Variants in INPP4A observed in about 807,000 individuals in gnomAD.
The protein encoded by INPP4A is inositol polyphosphate-4-phosphatase, type I, 107kD.
Under a neutral mutation model 119.8 loss-of-function variants are expected in INPP4A, and 33 were observed. The observed-to-expected ratio is 0.28, with a 90% CI of 0.21 to 0.37. The LOEUF is 0.37. Ranked by LOEUF, INPP4A falls within the 10% of genes least tolerant of loss-of-function variation. The pLI is 1.00. For missense variants in INPP4A, 956 were observed against 1,289.9 expected (o/e 0.74, Z 3.97); for synonymous variants, 496 against 500.7 (o/e 0.99, Z 0.12).
At chr2:98,465,948 T>G (rs1019055128) in intron 1 of INPP4A, among the ~76,000 whole-genome samples, 1 of 152,150 alleles carries the variant, frequency 6.6e-6, no homozygotes, top group Non-Finnish European at 1.5e-5. Context: ...CCCACCTTGC[T>G]CAGTCTCTGC....
At chr2:98,581,711 C>G (rs1175792866) in intron 24 of INPP4A, 2 of 1,613,206 alleles carry the variant, frequency 1.2e-6, no homozygotes, top group Non-Finnish European at 1.7e-6. Context: ...TTGTGTGGCT[C>G]TTTCTGAGCA....
intron 14 of INPP4A, among the ~76,000 whole-genome samples, 198 bp downstream of exon 14, chr2:98,553,167 G>C (rs1403434929): frequency 6.6e-5 from 10 of 152,220 alleles, no homozygotes; most frequent in Admixed American, 5.2e-4. Context: ...CAGACCAAGG[G>C]CAGAGCCCAG....
At chr2:98,543,186 G>T (rs1691830319) in intron 10 of INPP4A, among the ~76,000 whole-genome samples, 1 of 152,190 alleles carries the variant, frequency 6.6e-6, no homozygotes, top group South Asian at 2.1e-4. Context: ...AGAAGAATCA[G>T]AGGTGCCAGC....
At chr2:98,540,928 C>T (rs1340530060) in intron 10 of INPP4A, among the ~76,000 whole-genome samples, 1 of 152,144 alleles carries the variant, frequency 6.6e-6, no homozygotes, top group African/African-American at 2.4e-5. Context: ...ATTATAAACA[C>T]AATATAACAG....
At chr2:98,581,582 A>AAC (rs1329426163) in intron 24 of INPP4A, 1 of 1,540,594 alleles carries the variant, frequency 6.5e-7, no homozygotes, top group African/African-American at 1.4e-5. Context: ...ACAGCATTGG[A>AAC]ACACGGGAGG....
intron 24 of INPP4A, among the ~76,000 whole-genome samples, chr2:98,579,493 C>T (rs914015514): frequency 1.3e-5 from 2 of 152,260 alleles, no homozygotes; most frequent in Admixed American, 1.3e-4. Context: ...AAAGTATACA[C>T]CTTTGTAAGG....
chr2:98,528,996 G>A (rs1460513471), intron 4 of INPP4A, among the ~76,000 whole-genome samples: 1 of 151,222 alleles, frequency 6.6e-6, no homozygotes, highest in Non-Finnish European at 1.5e-5. Context: ...GAGAATTGGC[G>A]TGAACCCGGG....
intron 1 of INPP4A, among the ~76,000 whole-genome samples, chr2:98,506,822 A>T (rs1233047440): frequency 1.3e-5 from 2 of 152,178 alleles, no homozygotes; most frequent in Non-Finnish European, 2.9e-5. Context: ...GTGGCCCACA[A>T]TGCGGGCACT....
At position 98,566,960 on chromosome 2, in the gene INPP4A, C is replaced by G. The variant is rs993340656; in HGVS notation, c.2420+791C>G. On this transcript the variant is annotated intron_variant, in intron 21 of 24. Coordinates refer to ENST00000409851, the MANE Select transcript of INPP4A (RefSeq NM_001134225.2). This position sits in a 1 kb window ranked among gnomAD's most constrained non-coding sequence, Gnocchi z 4.2. ...GGTTTCCAGAACAATATGCCGTGTT[C>G]CTGCTGGGCCTTCTGATGTCCAACC... is the stretch of plus-strand genomic sequence containing the variant. 6.6e-6 allele frequency among the ~76,000 whole-genome samples: 1 copy of G among 152,168 alleles called. No individual in the cohort carries two copies. The highest frequency in any genetic ancestry group is 1.5e-5 in the Non-Finnish European group (1 of 68,032).
intron 9 of INPP4A, 144 bp from the exon 10 acceptor site, chr2:98,539,384 C>T (rs1390103696): frequency 2.5e-5 from 21 of 851,100 alleles, no homozygotes; most frequent in South Asian, 3.9e-5. Context: ...GGTGGGTTTT[C>T]GGTGTAAGCG....
chr2:98,577,292 C>T (rs1698587067), intron 24 of INPP4A, 149 bp downstream of exon 24: 1 of 791,778 alleles, frequency 1.3e-6, no homozygotes, highest in Non-Finnish European at 1.9e-6. Context: ...ACCCGTCAAA[C>T]TATTGGCACT....
intron 10 of INPP4A, among the ~76,000 whole-genome samples, chr2:98,541,275 C>G (rs1007847309): frequency 1.3e-5 from 2 of 150,626 alleles, no homozygotes; most frequent in African/African-American, 2.4e-5. Context: ...TGCAGTGAGC[C>G]GAGATCACGC....
intron 1 of INPP4A, among the ~76,000 whole-genome samples, chr2:98,483,968 A>C (rs1679023796): frequency 6.6e-6 from 1 of 151,626 alleles, no homozygotes; most frequent in Admixed American, 6.6e-5. Context: ...CCCACACCCC[A>C]TCTCTTCACA....
chr2:98,494,270 G>A (rs992638115), intron 1 of INPP4A, among the ~76,000 whole-genome samples: 1 of 152,198 alleles, frequency 6.6e-6, no homozygotes, highest in Non-Finnish European at 1.5e-5. Context: ...TAAATTCCAG[G>A]AGAATGTGGC....
chr2:98,541,568 C>T (rs534781446), intron 10 of INPP4A, among the ~76,000 whole-genome samples: 1 of 152,208 alleles, frequency 6.6e-6, no homozygotes, highest in East Asian at 1.9e-4. Context: ...TGTATTATAA[C>T]TTTAAAGAGT....
Position 98,552,680 on chromosome 2 carries a change from C to T in INPP4A, c.1164-106C>T, listed in dbSNP as rs539277507. On this transcript the variant is annotated intron_variant, in intron 13 of 24. Transcript: ENST00000409851. ...GTAGCTTGAGAGAACATCCCTGAGT[C>T]ACAGAACACTTCATCTTAGGGTCAA... 44 of 909,588 alleles carry T rather than the reference C, an allele frequency of 4.8e-5. No homozygotes were observed. The African/African-American group carries it at 7.0e-4, about 14-fold the overall frequency. 56.3% of individuals were successfully genotyped at this position (909,588 alleles called of 1,614,324 possible).
intron 4 of INPP4A, chr2:98,521,562 G>A (rs1687195725): frequency 6.6e-6 from 1 of 152,328 alleles, no homozygotes; most frequent in African/African-American, 2.4e-5. Context: ...TTGTTTGAGA[G>A]ACAAAGAAGA....
In INPP4A at chr2:98,594,239, AAGTC is replaced by A. The variant is rs1313255956; in HGVS notation, c.*6634_*6637del. The A allele has an allele frequency of 1.3e-5, 2 of 152,216 alleles. No individual in the cohort carries two copies. The highest frequency in any genetic ancestry group is 2.4e-5 in the African/African-American group (1 of 41,442). The allele number at this position is 152,216 out of a possible 1,614,324, so 9.4% of individuals were successfully genotyped here. Reference sequence around the variant, plus strand: ...GGGCGAGTGAGAGGGTCTCTGAAAAAAGTCAGGCTAAAATTACAGGGGGTTCAGG... The same window carrying A: ...GGGCGAGTGAGAGGGTCTCTGAAAAAAGGCTAAAATTACAGGGGGTTCAGG... On this transcript the variant is annotated 3_prime_UTR_variant, in exon 25 of 25. Coordinates refer to ENST00000409851, the MANE Select transcript of INPP4A (RefSeq NM_001134225.2).
chr2:98,505,034 T>A (rs1465201192), intron 1 of INPP4A, among the ~76,000 whole-genome samples: 1 of 152,250 alleles, frequency 6.6e-6, no homozygotes, highest in African/African-American at 2.4e-5. Context: ...CTCTGTCTTT[T>A]CTTTGTTTTC....
Sources: gnomAD v4.1 joint callset for allele counts (sites outside exome capture counted in the v4.1 genomes callset) on GRCh38, gnomAD v4.1.1 for gene constraint, Gnocchi (gnomAD v3.1) non-coding constraint, MANE v1.5 for transcripts, NCBI Gene and HGNC (gene_info 2026-07-23, HGNC 2026-07-21) for gene names.